Variants in GIT2 observed in about 807,000 individuals in gnomAD.
The protein encoded by GIT2 is GIT ArfGAP 2.
A neutral mutation model predicts 100.3 loss-of-function variants in GIT2; 32 were observed. The observed-to-expected ratio is 0.32, with a 90% CI of 0.24 to 0.43. The LOEUF (loss-of-function observed/expected upper bound fraction) is 0.43, where lower values mean the gene tolerates loss of function less well. GIT2 is among the 20% of genes least tolerant of loss of function. The probability of loss-of-function intolerance (pLI) is 1.00; values close to 1 mark genes in which losing one functional copy is unlikely to be tolerated. For missense variants in GIT2, 737 were observed against 975.1 expected (o/e 0.76, Z 3.25); for synonymous variants, 353 against 364.1 (o/e 0.97, Z 0.35).
chr12:109,980,445 G>C (rs1321836922), intron 7 of GIT2, among the ~76,000 whole-genome samples: 1 of 151,970 alleles, frequency 6.6e-6, no homozygotes, highest in Non-Finnish European at 1.5e-5. Flanking sequence ...CTAGGCTGAA[G>C]TGCAGTGGCA....
intron 3 of GIT2, 151 bp from the exon 4 acceptor site, chr12:109,989,219 CT>C: frequency 3.2e-6 from 2 of 624,260 alleles, no homozygotes; most frequent in Non-Finnish European, 5.8e-6. Flanking sequence ...GGTTTAAGAC[CT>C]GCAGTTTGAA....
chr12:109,960,884 C>T (rs547492226), intron 11 of GIT2, among the ~76,000 whole-genome samples: 3 of 152,200 alleles, frequency 2.0e-5, no homozygotes, highest in Non-Finnish European at 4.4e-5. Context: ...CTAACATCTA[C>T]AGCAATTTAA....
intron 8 of GIT2, 57 bp from the exon 9 acceptor site, chr12:109,965,634 G>A (rs914826242): frequency 1.1e-5 from 12 of 1,124,790 alleles, no homozygotes; most frequent in East Asian, 2.4e-5. Context: ...TGTGAACTCT[G>A]TAAAGTTTAA....
chr12:109,938,520 G>A lies in GIT2; in HGVS notation c.1863C>T (p.Gly621=). Reference sequence around the variant, plus strand: ...GGGGTTCTGCTGTGTCTGGTACCAAGCCATCCCCTGGCCACACCATACTTC... The same window carrying A: ...GGGGTTCTGCTGTGTCTGGTACCAAACCATCCCCTGGCCACACCATACTTC... ...RQRSMVWPGD[G]LVPDTAEPHV... is the part of the protein sequence containing the mutation. Residue 621 remains glycine, a synonymous_variant, in exon 18 of 20, where the codon GGC becomes GGT. Coordinates refer to ENST00000355312, the MANE Select transcript of GIT2 (RefSeq NM_057169.5). 1.2e-6 allele frequency: 2 copies of A among 1,612,316 alleles called. No individual in the cohort carries two copies. The highest frequency in any genetic ancestry group is 1.7e-6 in the Non-Finnish European group (2 of 1,179,320).
intron 6 of GIT2, 175 bp downstream of exon 6, chr12:109,983,198 C>A: frequency 1.7e-6 from 1 of 578,040 alleles, no homozygotes; most frequent in Admixed American, 3.3e-5. Flanking sequence ...TTCTAGCCTT[C>A]CTCAACTTTG....
intron 4 of GIT2, among the ~76,000 whole-genome samples, chr12:109,988,561 CA>C (rs1343471171): frequency 6.6e-6 from 1 of 151,482 alleles, no homozygotes; most frequent in Non-Finnish European, 1.5e-5. Context: ...AAACGAAAAA[CA>C]AAAAAACCCT....
chr12:109,947,253 T>C lies in GIT2; in HGVS notation c.1641+3A>G. ...CAGCAGAAGCGCCAGTGGTGTTACT[T>C]ACGTGCGCGGGGAAGGGCTGGAGTC... On this transcript the variant is annotated splice_donor_region_variant and intron_variant, in intron 15 of 19. Transcript: ENST00000355312. This position sits in a 1 kb window ranked among gnomAD's most constrained non-coding sequence, Gnocchi z 4.3. 2 of 1,611,686 alleles carry C rather than the reference T, an allele frequency of 1.2e-6. No homozygotes were observed. Among genetic ancestry groups the C allele is most frequent in the Non-Finnish European group, 8.5e-7 (1 of 1,178,342 alleles).
chr12:109,955,973 G>A (rs1419875086), intron 12 of GIT2, among the ~76,000 whole-genome samples: 3 of 151,402 alleles, frequency 2.0e-5, no homozygotes, highest in Non-Finnish European at 4.4e-5. Context: ...CTGTCATCCA[G>A]GCTGGAGTGC....
chr12:109,933,883 G>A lies in GIT2; in HGVS notation c.2067+139C>T, dbSNP rs557293805. ...CCCAAAGTGCTGGGGTTACAGGCGT[G>A]AGCCACCACACCCGGCCTCGACTGC... is the stretch of plus-strand genomic sequence containing the variant. On this transcript the variant is annotated intron_variant, in intron 19 of 19. Coordinates refer to ENST00000355312, the MANE Select transcript of GIT2 (RefSeq NM_057169.5). The surrounding 1 kb of genome is among the most constrained non-coding windows in gnomAD (Gnocchi z 4.5). 19 of 660,400 alleles carry A rather than the reference G, an allele frequency of 2.9e-5. No homozygotes were observed. The highest frequency in any genetic ancestry group is 2.3e-4 in the African/African-American group (13 of 55,948). The allele number at this position is 660,400 out of a possible 1,614,324, so 40.9% of individuals were successfully genotyped here. A position where few individuals can be genotyped will look rare whatever the true frequency, so the allele number is the denominator to read the frequency against.
rs898589775 is a variant in GIT2, at chr12:109,996,287, C to T, written c.-63G>A. 7 of 1,204,018 alleles carry T rather than the reference C, an allele frequency of 5.8e-6. No homozygotes were observed. The highest frequency in any genetic ancestry group is 3.1e-5 in the African/African-American group (2 of 63,666). The allele number at this position is 1,204,018 out of a possible 1,614,324, so 74.6% of individuals were successfully genotyped here. On this transcript the variant is annotated 5_prime_UTR_variant, in exon 1 of 20. Coordinates refer to ENST00000355312, the MANE Select transcript of GIT2 (RefSeq NM_057169.5). ...GGGACAGCAAAGGCGGCGGTGGCGG[C>T]GGCGCTTCCGCTCTAACGGGTCCCA...
chr12:109,995,953 G>GGAACGGGAGC (rs1477953401), intron 1 of GIT2: 2 of 464,150 alleles, frequency 4.3e-6, no homozygotes, highest in Non-Finnish European at 7.7e-6. Context: ...GGAACGGGAG[G>GGAACGGGAGC]GAACGAGAGG....
intron 7 of GIT2, 107 bp from the exon 8 acceptor site, chr12:109,967,610 G>A: frequency 1.3e-6 from 1 of 791,088 alleles, no homozygotes; most frequent in Non-Finnish European, 2.2e-6. Flanking sequence ...TAGTATTTGT[G>A]CATAATGACG....
chr12:109,964,482 G>T (rs1881793113), intron 9 of GIT2, among the ~76,000 whole-genome samples: 1 of 152,082 alleles, frequency 6.6e-6, no homozygotes, highest in Admixed American at 6.6e-5. Flanking sequence ...TGGGAAAGCC[G>T]CTACCTACAC....
At chr12:109,973,510 T>G (rs574658895) in intron 7 of GIT2, among the ~76,000 whole-genome samples, 38 of 152,270 alleles carry the variant, frequency 2.5e-4, no homozygotes, top group Admixed American at 3.9e-4. Context: ...ATCTGTACAC[T>G]CTCCTTTTTG....
intron 7 of GIT2, among the ~76,000 whole-genome samples, chr12:109,977,356 C>G (rs1885316536): frequency 6.6e-6 from 1 of 151,908 alleles, no homozygotes; most frequent in African/African-American, 2.4e-5. Context: ...ACAAAAAATA[C>G]AAAAGTTATC....
At chr12:109,952,049 C>T (rs1207741266) in intron 13 of GIT2, among the ~76,000 whole-genome samples, 1 of 152,198 alleles carries the variant, frequency 6.6e-6, no homozygotes, top group Admixed American at 6.5e-5. Context: ...TCGGCTCTCA[C>T]TGAGTGAACC....
chr12:109,967,382 A>G (rs1360193519), intron 8 of GIT2, 76 bp downstream of exon 8: 22 of 1,527,482 alleles, frequency 1.4e-5, no homozygotes, highest in Non-Finnish European at 1.9e-5. Context: ...AACACAAAAT[A>G]TAATATACTT....
chr12:109,971,822 G>A (rs1381586147), intron 7 of GIT2, among the ~76,000 whole-genome samples: 1 of 151,614 alleles, frequency 6.6e-6, no homozygotes, highest in East Asian at 2.0e-4. Context: ...GCGAAACCCT[G>A]TCTCTACTGA....
chr12:109,987,884 T>C (rs2136918045), intron 4 of GIT2, among the ~76,000 whole-genome samples: 1 of 152,306 alleles, frequency 6.6e-6, no homozygotes, highest in South Asian at 2.1e-4. Flanking sequence ...CTCAAAAACA[T>C]GCGAAGGCCC....
Sources: gnomAD v4.1 joint callset for allele counts (sites outside exome capture counted in the v4.1 genomes callset) on GRCh38, gnomAD v4.1.1 for gene constraint, Gnocchi (gnomAD v3.1) non-coding constraint, MANE v1.5 for transcripts, NCBI Gene and HGNC (gene_info 2026-07-23, HGNC 2026-07-21) for gene names.